CCDC102B: variants seen among roughly 807,000 people sequenced by gnomAD.
The protein encoded by CCDC102B is coiled-coil domain containing 102B, also known as coiled-coil domain-containing protein 102B.
CCDC102B carries 75 observed loss-of-function variants against 57.4 expected under a neutral mutation model. The ratio of observed to expected loss-of-function variants is 1.31; its 90% CI spans 1.08 to 1.58. CCDC102B has a LOEUF of 1.58. CCDC102B is among the 40% of genes most tolerant of loss of function. CCDC102B has a pLI of 0.00. For missense variants in CCDC102B, 636 were observed against 582.6 expected (o/e 1.09, Z -0.94); for synonymous variants, 206 against 201.9 (o/e 1.02, Z -0.17).
chr18:68,875,522 A>G (rs577499896), intron 5 of CCDC102B, among the ~76,000 whole-genome samples: 2 of 152,300 alleles, frequency 1.3e-5, no homozygotes, highest in South Asian at 4.1e-4. Context: ...ATTTAATGCA[A>G]CTGTAGGCTG....
At chr18:68,834,575 C>A (rs1321348383) in intron 1 of CCDC102B, among the ~76,000 whole-genome samples, 1 of 150,818 alleles carries the variant, frequency 6.6e-6, no homozygotes, top group Non-Finnish European at 1.5e-5. Context: ...ACAAAACACT[C>A]CAAATCAGCA....
At chr18:68,996,121 G>C (rs1471767435) in intron 6 of CCDC102B, among the ~76,000 whole-genome samples, 1 of 152,194 alleles carries the variant, frequency 6.6e-6, no homozygotes, top group East Asian at 1.9e-4. Flanking sequence ...TGCCAAAGGA[G>C]ATTAACATTT....
chr18:68,966,549 T>G (rs1358030470), intron 6 of CCDC102B, among the ~76,000 whole-genome samples: 1 of 152,138 alleles, frequency 6.6e-6, no homozygotes, highest in East Asian at 1.9e-4. Context: ...CTGGTTAATA[T>G]ATCAGAGAGT....
intron 4 of CCDC102B, among the ~76,000 whole-genome samples, chr18:68,863,188 A>ATATT (rs1022572369): frequency 6.6e-6 from 1 of 151,310 alleles, no homozygotes; most frequent in Non-Finnish European, 1.5e-5. Flanking sequence ...TTATATATAT[A>ATATT]TATATTTATA....
At chr18:68,962,399 A>G (rs2050067579) in intron 6 of CCDC102B, among the ~76,000 whole-genome samples, 1 of 151,986 alleles carries the variant, frequency 6.6e-6, no homozygotes, top group African/African-American at 2.4e-5. Context: ...CCTTATGTAT[A>G]TTTCCAGACA....
rs1024079011 is a variant in CCDC102B, at chr18:69,054,478, C to T, written c.*341C>T. The T allele has an allele frequency of 9.9e-7, 1 of 1,010,408 alleles. No individual in the cohort carries two copies. The highest frequency in any genetic ancestry group is 1.7e-5 in the African/African-American group (1 of 57,398). 62.6% of individuals were successfully genotyped at this position (1,010,408 alleles called of 1,614,324 possible). A position where few individuals can be genotyped will look rare whatever the true frequency, so the allele number is the denominator to read the frequency against. On this transcript the variant is annotated 3_prime_UTR_variant, in exon 8 of 8. Transcript: ENST00000360242. ...AGTAAGTTGAAAACCATACAAGACG[C>T]TGGGTCATTAATAAGAAAACCATTG...
chr18:68,746,742 T>TA (rs201345853), intron 2 of CCDC102B, among the ~76,000 whole-genome samples: 1,538 of 151,134 alleles, frequency 0.01, 29 homozygotes, highest in African/African-American at 0.033. Context: ...CTTTTTTTTT[T>TA]AAAAAATGAT....
intron 1 of CCDC102B, among the ~76,000 whole-genome samples, chr18:68,825,905 T>C (rs1303576908): frequency 6.6e-6 from 1 of 152,134 alleles, no homozygotes; most frequent in African/African-American, 2.4e-5. Flanking sequence ...CTGTACAGTG[T>C]TCTCATTTTC....
chr18:68,746,742 T>A (rs922397), intron 2 of CCDC102B, among the ~76,000 whole-genome samples: 146,344 of 151,172 alleles, frequency 0.97, 70,988 homozygotes, highest in Non-Finnish European at 1. Flanking sequence ...CTTTTTTTTT[T>A]AAAAAATGAT....
intron 6 of CCDC102B, among the ~76,000 whole-genome samples, chr18:68,920,134 A>G (rs1160903132): frequency 6.6e-6 from 1 of 152,012 alleles, no homozygotes. Flanking sequence ...ACCCTTCGAC[A>G]GGCCCCAGTG....
At chr18:68,841,914 T>G (rs2037651109) in intron 3 of CCDC102B, among the ~76,000 whole-genome samples, 1 of 151,924 alleles carries the variant, frequency 6.6e-6, no homozygotes, top group Admixed American at 6.6e-5. Flanking sequence ...TATTTTTTTA[T>G]TTTTAGTAGA....
At chr18:68,922,805 T>A (rs1256010305) in intron 6 of CCDC102B, among the ~76,000 whole-genome samples, 2 of 145,868 alleles carry the variant, frequency 1.4e-5, no homozygotes, top group East Asian at 3.9e-4. Flanking sequence ...AAGGTTCCCA[T>A]TGGGGGAAAG....
At chr18:69,022,270 G>C (rs2051864553) in intron 7 of CCDC102B, among the ~76,000 whole-genome samples, 1 of 149,418 alleles carries the variant, frequency 6.7e-6, no homozygotes, top group African/African-American at 2.5e-5. Context: ...ATATATATGG[G>C]CCACACACAT....
chr18:68,984,804 T>A (rs1174439130), intron 6 of CCDC102B, among the ~76,000 whole-genome samples: 1 of 152,154 alleles, frequency 6.6e-6, no homozygotes, highest in African/African-American at 2.4e-5. Flanking sequence ...CATATTAAAA[T>A]GTATCATATT....
intron 1 of CCDC102B, among the ~76,000 whole-genome samples, chr18:68,807,355 C>CT (rs1018915511): frequency 3.3e-5 from 5 of 151,994 alleles, no homozygotes; most frequent in Non-Finnish European, 5.9e-5. Flanking sequence ...TACTTTTTCT[C>CT]TTTTTTTATA....
chr18:68,814,277 C>T (rs2036392047), intron 1 of CCDC102B, among the ~76,000 whole-genome samples: 1 of 151,948 alleles, frequency 6.6e-6, no homozygotes, highest in Admixed American at 6.6e-5. Context: ...CAATTAATCA[C>T]TTTTTTTCTA....
At chr18:68,737,229 A>C (rs572164529) in intron 2 of CCDC102B, among the ~76,000 whole-genome samples, 12 of 152,256 alleles carry the variant, frequency 7.9e-5, no homozygotes, top group Non-Finnish European at 1.5e-4. Context: ...TATTCTTGAC[A>C]GTCCCTGGGG....
chr18:68,875,966 T>C (rs565599113), intron 5 of CCDC102B, among the ~76,000 whole-genome samples: 1 of 151,316 alleles, frequency 6.6e-6, no homozygotes, highest in Non-Finnish European at 1.5e-5. Flanking sequence ...AAGAGGTCCA[T>C]TATGAGAAAG....
chr18:68,894,373 C>T (rs2145005865), intron 5 of CCDC102B, among the ~76,000 whole-genome samples: 1 of 152,088 alleles, frequency 6.6e-6, no homozygotes, highest in Non-Finnish European at 1.5e-5. Context: ...GTAATTTCTG[C>T]ATTATCTGAA....
Sources: allele counts gnomAD v4.1 joint callset (sites outside exome capture counted in the v4.1 genomes callset), GRCh38; gene constraint gnomAD v4.1.1; transcripts MANE v1.5; gene names NCBI Gene and HGNC (gene_info 2026-07-23, HGNC 2026-07-21).